The following EXOC6B variants were observed in gnomAD, a reference collection of about 807,000 sequenced individuals.
EXOC6B encodes SEC15 homolog B.
In EXOC6B, 54 loss-of-function variants were observed where a neutral mutation model predicts 113.5. That is an observed-to-expected ratio of 0.48 (90% CI 0.38 to 0.60). EXOC6B has a LOEUF of 0.60. EXOC6B is among the 20% of genes least tolerant of loss of function. The probability of loss-of-function intolerance (pLI) is 0.00; values close to 1 mark genes in which losing one functional copy is unlikely to be tolerated. For synonymous variants in EXOC6B, 357 were observed against 339.0 expected (o/e 1.05, Z -0.58); for missense variants, 797 against 977.5 (o/e 0.82, Z 2.46).
At chr2:72,469,762 T>C (rs1573195779) in intron 17 of EXOC6B, among the ~76,000 whole-genome samples, 1 of 152,232 alleles carries the variant, frequency 6.6e-6, no homozygotes, top group Admixed American at 6.5e-5. Context: ...TTAGATTCAC[T>C]TGATGGATGG....
intron 18 of EXOC6B, among the ~76,000 whole-genome samples, chr2:72,430,883 A>G (rs1695480801): frequency 6.6e-6 from 1 of 152,220 alleles, no homozygotes; most frequent in Non-Finnish European, 1.5e-5. Context: ...GAGAAACATA[A>G]CATATTATGC....
chr2:72,207,719 A>C (rs1244220987), intron 20 of EXOC6B, among the ~76,000 whole-genome samples: 12 of 152,184 alleles, frequency 7.9e-5, no homozygotes, highest in African/African-American at 2.9e-4. Context: ...AGATGTTTTG[A>C]TGTACATTTG....
intron 8 of EXOC6B, among the ~76,000 whole-genome samples, chr2:72,536,063 G>A (rs1429262825): frequency 1.3e-5 from 2 of 151,804 alleles, no homozygotes; most frequent in Admixed American, 6.6e-5. Context: ...CTTTTTATAG[G>A]GAGTCACATA....
chr2:72,501,418 C>A (rs1700314111), intron 11 of EXOC6B, among the ~76,000 whole-genome samples: 1 of 152,162 alleles, frequency 6.6e-6, no homozygotes, highest in Non-Finnish European at 1.5e-5. Context: ...TCACCAGAAG[C>A]AGATGCTGGC....
At chr2:72,555,861 G>T (rs753288704) in intron 8 of EXOC6B, among the ~76,000 whole-genome samples, 2 of 152,104 alleles carry the variant, frequency 1.3e-5, no homozygotes, top group South Asian at 2.1e-4. Context: ...TGCCAGGCTG[G>T]TCTCAAACTC....
At chr2:72,213,693 ATGGGACCT>A (rs1680333944) in intron 20 of EXOC6B, among the ~76,000 whole-genome samples, 1 of 152,150 alleles carries the variant, frequency 6.6e-6, no homozygotes, top group African/African-American at 2.4e-5. Flanking sequence ...GTATTAGGAC[ATGGGACCT>A]TTGAGAAGTG....
chr2:72,291,284 C>T (rs1277648140), intron 20 of EXOC6B, among the ~76,000 whole-genome samples: 1 of 152,172 alleles, frequency 6.6e-6, no homozygotes, highest in African/African-American at 2.4e-5. Context: ...GAGTCATTTT[C>T]TTAGCTCCAC....
intron 1 of EXOC6B, among the ~76,000 whole-genome samples, chr2:72,786,679 T>G (rs1276356061): frequency 2.0e-5 from 3 of 152,248 alleles, no homozygotes; most frequent in East Asian, 3.8e-4. Context: ...GATTTTTTTG[T>G]AAGTTTATGG....
intron 16 of EXOC6B, among the ~76,000 whole-genome samples, chr2:72,485,129 C>A (rs758336287): frequency 6.6e-6 from 1 of 152,180 alleles, no homozygotes; most frequent in South Asian, 2.1e-4. Context: ...AATTTCTCCT[C>A]CAAGCCTGCT....
chr2:72,808,733 T>C (rs548227421), intron 1 of EXOC6B, among the ~76,000 whole-genome samples: 2 of 152,028 alleles, frequency 1.3e-5, no homozygotes, highest in Non-Finnish European at 2.9e-5. Flanking sequence ...CAGTGAGCCA[T>C]GATCACACCA....
chr2:72,601,945 G>A (rs572079533), intron 6 of EXOC6B, among the ~76,000 whole-genome samples: 2 of 152,296 alleles, frequency 1.3e-5, no homozygotes, highest in East Asian at 1.9e-4. Context: ...TTCCAATTAT[G>A]TGACATTCTG....
intron 19 of EXOC6B, among the ~76,000 whole-genome samples, chr2:72,352,568 A>G (rs1201442600): frequency 1.3e-5 from 2 of 152,166 alleles, no homozygotes; most frequent in African/African-American, 4.8e-5. Flanking sequence ...AAATTTTAAT[A>G]CTGTAATACT....
At chr2:72,213,846 G>C (rs951622848) in intron 20 of EXOC6B, among the ~76,000 whole-genome samples, 41 of 152,208 alleles carry the variant, frequency 2.7e-4, no homozygotes, top group Middle Eastern at 6.8e-3. Context: ...TACCCTCACT[G>C]GACACGGAAT....
chr2:72,277,362 T>C (rs1684862975), intron 20 of EXOC6B, among the ~76,000 whole-genome samples: 2 of 152,146 alleles, frequency 1.3e-5, no homozygotes, highest in East Asian at 3.9e-4. Flanking sequence ...CCTTCCTCCA[T>C]TCCCCCAACT....
intron 20 of EXOC6B, among the ~76,000 whole-genome samples, chr2:72,237,492 AC>A (rs1177847332): frequency 6.6e-6 from 1 of 152,222 alleles, no homozygotes. Context: ...AAAGAAACCA[AC>A]ATATGGATTA....
chr2:72,371,081 T>G (rs1012862888), intron 19 of EXOC6B, among the ~76,000 whole-genome samples: 2 of 151,134 alleles, frequency 1.3e-5, no homozygotes, highest in Non-Finnish European at 2.9e-5. Context: ...TAAAGAGGAC[T>G]CTGTCATGTG....
chr2:72,709,243 T>C, intron 6 of EXOC6B, among the ~76,000 whole-genome samples: 1 of 152,120 alleles, frequency 6.6e-6, no homozygotes, highest in East Asian at 1.9e-4. Flanking sequence ...ATATTTCAGT[T>C]CCCTTAGCAT....
intron 16 of EXOC6B, among the ~76,000 whole-genome samples, chr2:72,480,959 C>T (rs1699050766): frequency 6.6e-6 from 1 of 152,178 alleles, no homozygotes; most frequent in Non-Finnish European, 1.5e-5. Context: ...CCACCCAAAT[C>T]TCATCTTGAA....
At chr2:72,222,522 A>G (rs1680940332) in intron 20 of EXOC6B, among the ~76,000 whole-genome samples, 1 of 152,202 alleles carries the variant, frequency 6.6e-6, no homozygotes, top group Admixed American at 6.5e-5. Flanking sequence ...GATAATCTCA[A>G]AAACAAATAA....
Sources: gnomAD v4.1 joint callset for allele counts (sites outside exome capture counted in the v4.1 genomes callset) on GRCh38, gnomAD v4.1.1 for gene constraint, MANE v1.5 for transcripts, NCBI Gene and HGNC (gene_info 2026-07-23, HGNC 2026-07-21) for gene names.